CDH13: variants seen among roughly 807,000 people sequenced by gnomAD.
CDH13 encodes cadherin 13.
A neutral mutation model predicts 63.8 loss-of-function variants in CDH13; 24 were observed. That is an observed-to-expected ratio of 0.38 (90% CI 0.27 to 0.53). CDH13 has a LOEUF of 0.53. Ranked by LOEUF, CDH13 falls within the 20% of genes least tolerant of loss-of-function variation. The pLI, the probability that CDH13 is intolerant of heterozygous loss-of-function variation, is 0.85. For missense variants in CDH13, 1,049 were observed against 903.1 expected, an observed-to-expected ratio of 1.16 and a Z score of -2.07; for synonymous variants, 503 against 355.3, an observed-to-expected ratio of 1.42 and a Z score of -4.67.
chr16:83,385,838 A>G (rs2091662781), intron 6 of CDH13, among the ~76,000 whole-genome samples: 1 of 152,146 alleles, frequency 6.6e-6, no homozygotes, highest in South Asian at 2.1e-4. Context: ...GGGCTGAGAA[A>G]ATGAAAGAAA....
chr16:82,964,227 G>A (rs796791385), intron 2 of CDH13, among the ~76,000 whole-genome samples: 5 of 152,316 alleles, frequency 3.3e-5, no homozygotes, highest in African/African-American at 1.2e-4. Context: ...ATAGGCTGAT[G>A]TAATTTCCTT....
chr16:83,324,456 T>C (rs2090313465), intron 5 of CDH13, among the ~76,000 whole-genome samples: 1 of 152,238 alleles, frequency 6.6e-6, no homozygotes, highest in Non-Finnish European at 1.5e-5. Flanking sequence ...CTTGTCTCTG[T>C]AGATGTGTCT....
chr16:83,179,747 C>G (rs565513276), intron 4 of CDH13, among the ~76,000 whole-genome samples: 78 of 152,228 alleles, frequency 5.1e-4, no homozygotes, highest in African/African-American at 1.8e-3. Flanking sequence ...CCCCAGATTT[C>G]TGGAATTGCA....
chr16:83,437,442 G>A (rs549029368), intron 6 of CDH13, among the ~76,000 whole-genome samples: 7 of 152,170 alleles, frequency 4.6e-5, no homozygotes, highest in South Asian at 2.1e-4. Flanking sequence ...TTGAGAGGTC[G>A]AGTCAGGTGG....
chr16:82,631,639 C>T (rs1412493164), intron 1 of CDH13, among the ~76,000 whole-genome samples: 1 of 152,192 alleles, frequency 6.6e-6, no homozygotes, highest in Non-Finnish European at 1.5e-5. Flanking sequence ...CCTGGCTCCT[C>T]AGGTATGAAC....
intron 1 of CDH13, among the ~76,000 whole-genome samples, chr16:82,660,239 T>G (rs1046700281): frequency 2.0e-5 from 3 of 152,056 alleles, no homozygotes; most frequent in African/African-American, 4.8e-5. Context: ...TGTGTAAGAT[T>G]AGGAACCTGG....
chr16:83,646,638 G>C (rs1911821028), intron 8 of CDH13, among the ~76,000 whole-genome samples: 2 of 141,170 alleles, frequency 1.4e-5, no homozygotes, highest in African/African-American at 5.2e-5. Flanking sequence ...GAAGCAGTGA[G>C]CTGAGATCAC....
chr16:83,244,900 G>T (rs1001512435), intron 5 of CDH13, among the ~76,000 whole-genome samples: 3 of 152,078 alleles, frequency 2.0e-5, no homozygotes, highest in African/African-American at 7.2e-5. Flanking sequence ...TGCCTGATAG[G>T]TTCCAAATCC....
chr16:82,726,019 G>A (rs969585480), intron 1 of CDH13, among the ~76,000 whole-genome samples: 31 of 152,286 alleles, frequency 2.0e-4, no homozygotes, highest in African/African-American at 7.0e-4. Context: ...AGCAGTCCGT[G>A]ATGGTGAGAG....
intron 6 of CDH13, among the ~76,000 whole-genome samples, chr16:83,480,077 C>A (rs747582324): frequency 7.2e-5 from 11 of 152,180 alleles, no homozygotes; most frequent in Admixed American, 2.6e-4. Context: ...GTAATCCCAG[C>A]ACTTTGGGAG....
intron 1 of CDH13, among the ~76,000 whole-genome samples, chr16:82,632,147 G>A (rs1327092235): frequency 1.3e-5 from 2 of 152,178 alleles, no homozygotes; most frequent in East Asian, 3.9e-4. Flanking sequence ...TCTTTAGGCA[G>A]GACGTGCCTC....
In CDH13 at chr16:83,670,669, C is replaced by G. The variant is rs1004184855; in HGVS notation, c.1102-121C>G. The stretch of plus-strand genomic sequence containing the variant: ...GAGCATAGTATCTTCCAACCGTAAT[C>G]CTCTTATGTTATTATTTATTTTTAA... On this transcript the variant is annotated intron_variant, in intron 8 of 13. Coordinates refer to ENST00000567109, the MANE Select transcript of CDH13 (RefSeq NM_001257.5). 5.5e-6 allele frequency: 5 copies of G among 915,680 alleles called. No homozygotes were observed. The African/African-American group carries it at 8.2e-5, about 15-fold the overall frequency. The allele number at this position is 915,680 out of a possible 1,614,324, so 56.7% of individuals were successfully genotyped here.
At chr16:83,348,548 G>T (rs913154204) in intron 6 of CDH13, among the ~76,000 whole-genome samples, 1 of 152,188 alleles carries the variant, frequency 6.6e-6, no homozygotes. Flanking sequence ...TTGGTTTAGC[G>T]TTCTGCTGTC....
intron 1 of CDH13, among the ~76,000 whole-genome samples, chr16:82,820,721 A>G (rs2037964655): frequency 1.3e-5 from 2 of 152,238 alleles, no homozygotes; most frequent in African/African-American, 4.8e-5. Flanking sequence ...TGAGACTCAC[A>G]CTATAACCAC....
intron 8 of CDH13, among the ~76,000 whole-genome samples, chr16:83,635,266 C>T (rs904082303): frequency 2.6e-5 from 4 of 151,152 alleles, no homozygotes; most frequent in Non-Finnish European, 4.4e-5. Context: ...ATGTCTTTTG[C>T]CTATTTTTTG....
chr16:83,539,713 C>G (rs936235631), intron 7 of CDH13, among the ~76,000 whole-genome samples: 1 of 152,132 alleles, frequency 6.6e-6, no homozygotes, highest in Non-Finnish European at 1.5e-5. Context: ...GTAATTATTC[C>G]CATTTCATAG....
intron 5 of CDH13, among the ~76,000 whole-genome samples, chr16:83,247,941 C>T (rs904850177): frequency 1.3e-5 from 2 of 152,140 alleles, no homozygotes; most frequent in Non-Finnish European, 1.5e-5. Context: ...CCTTTTGTTC[C>T]GCTCTGTTTC....
chr16:83,552,397 G>C (rs1408713028), intron 7 of CDH13, among the ~76,000 whole-genome samples: 1 of 152,220 alleles, frequency 6.6e-6, no homozygotes, highest in African/African-American at 2.4e-5. Context: ...GTAACTGTCA[G>C]TTCCAGTGGA....
intron 1 of CDH13, among the ~76,000 whole-genome samples, chr16:82,720,511 C>G (rs755847912): frequency 6.6e-6 from 1 of 152,074 alleles, no homozygotes; most frequent in Non-Finnish European, 1.5e-5. Flanking sequence ...CACACTTACA[C>G]CCACGCTCAC....
Sources: gnomAD v4.1 joint callset for allele counts (sites outside exome capture counted in the v4.1 genomes callset) on GRCh38, gnomAD v4.1.1 for gene constraint, MANE v1.5 for transcripts, NCBI Gene and HGNC (gene_info 2026-07-23, HGNC 2026-07-21) for gene names.